Variants in LINGO2 observed in about 807,000 individuals in gnomAD.
LINGO2 encodes leucine-rich repeat and immunoglobulin-like domain-containing nogo receptor-interacting protein 2.
In LINGO2, 14 loss-of-function variants were observed where a neutral mutation model predicts 30.6. The ratio of observed to expected loss-of-function variants is 0.46; its 90% CI spans 0.30 to 0.72. LINGO2 has a LOEUF of 0.72. LINGO2 is among the 30% of genes least tolerant of loss of function. The pLI, the probability that LINGO2 is intolerant of heterozygous loss-of-function variation, is 0.07. For synonymous variants in LINGO2, 317 were observed against 288.5 expected (o/e 1.10, Z -1.00); for missense variants, 729 against 751.7 (o/e 0.97, Z 0.35).
the LINGO2 span, among the ~76,000 whole-genome samples, chr9:29,153,620 A>G: frequency 6.6e-6 from 1 of 152,220 alleles, no homozygotes; most frequent in Non-Finnish European, 1.5e-5. Context: ...TACCAAGCTC[A>G]TCTAAAAACA....
chr9:28,672,605 G>T (rs1268731841), upstream of LINGO2, among the ~76,000 whole-genome samples: 1 of 152,100 alleles, frequency 6.6e-6, no homozygotes, highest in East Asian at 1.9e-4. Flanking sequence ...TAAGTTTTAA[G>T]TTCCATATCT....
chr9:27,995,912 G>C (rs1821637655), intron 5 of LINGO2, among the ~76,000 whole-genome samples: 1 of 152,130 alleles, frequency 6.6e-6, no homozygotes, highest in Non-Finnish European at 1.5e-5. Context: ...TGGGAAAGAA[G>C]TCAACTGTAT....
At chr9:28,985,029 C>A in the LINGO2 span, among the ~76,000 whole-genome samples, 1 of 152,096 alleles carries the variant, frequency 6.6e-6, no homozygotes, top group Non-Finnish European at 1.5e-5. Flanking sequence ...CCCACTGCCT[C>A]CATCCTCCAG....
intron 1 of LINGO2, among the ~76,000 whole-genome samples, chr9:28,492,971 T>C (rs1826458774): frequency 1.3e-5 from 2 of 152,106 alleles, no homozygotes; most frequent in Non-Finnish European, 2.9e-5. Context: ...TTTATTGGTG[T>C]AGGTACAAAT....
At chr9:29,119,354 C>T in the LINGO2 span, among the ~76,000 whole-genome samples, 2 of 146,332 alleles carry the variant, frequency 1.4e-5, no homozygotes, top group African/African-American at 2.6e-5. Context: ...CATATGCATG[C>T]ACGTGTGCGC....
Position 28,055,402 on chromosome 9 carries a change from A to G in LINGO2, c.-86-42997T>C, listed in dbSNP as rs144224411. 4.9e-3 allele frequency among the ~76,000 whole-genome samples: 751 copies of G among 152,260 alleles called. 11 individuals are homozygous for G. The highest frequency in any genetic ancestry group is 0.032 in the Admixed American group (496 of 15,270). Reference sequence around the variant, plus strand: ...GCCAAGGAGTCTGAATGGCCAGGCTATTTTAGCTATTGCCACATTTCTGTT... The same window carrying G: ...GCCAAGGAGTCTGAATGGCCAGGCTGTTTTAGCTATTGCCACATTTCTGTT... On this transcript the variant is annotated intron_variant, in intron 4 of 5. Transcript: ENST00000379992.
At position 28,100,476 on chromosome 9, in the gene LINGO2, G is replaced by T. The variant is rs76716630; in HGVS notation, c.-86-88071C>A. Reference sequence around the variant, plus strand: ...TGAACAATGTTATGTGAAGTAGAGAGAAATGAACACATGCTGATGAGGAAC... The same window carrying T: ...TGAACAATGTTATGTGAAGTAGAGATAAATGAACACATGCTGATGAGGAAC... On this transcript the variant is annotated intron_variant, in intron 4 of 5. Transcript: ENST00000379992. Among the ~76,000 whole-genome samples, 16 of 152,248 alleles carry T rather than the reference G, an allele frequency of 1.1e-4. No individual in the cohort carries two copies. The East Asian group carries it at 2.9e-3, about 28-fold the overall frequency.
chr9:28,943,606 A>T, the LINGO2 span, among the ~76,000 whole-genome samples: 24,344 of 152,146 alleles, frequency 0.16, 1,982 homozygotes, highest in South Asian at 0.2. Flanking sequence ...CTCAGGGTTT[A>T]TTATTCCTAT....
the LINGO2 span, among the ~76,000 whole-genome samples, chr9:28,785,248 T>C: frequency 2.0e-5 from 3 of 152,142 alleles, 1 homozygote; most frequent in South Asian, 4.1e-4. Flanking sequence ...TGAGAAGCAA[T>C]GTAAACATTT....
intron 3 of LINGO2, among the ~76,000 whole-genome samples, chr9:28,319,866 T>C (rs1242360161): frequency 6.6e-6 from 1 of 152,138 alleles, no homozygotes; most frequent in African/African-American, 2.4e-5. Flanking sequence ...GTAAATTACA[T>C]GCAAGAAAAC....
intron 4 of LINGO2, among the ~76,000 whole-genome samples, chr9:28,172,819 A>C (rs1828641182): frequency 6.6e-6 from 1 of 152,144 alleles, no homozygotes; most frequent in African/African-American, 2.4e-5. Flanking sequence ...ATCTTCTACA[A>C]ATGAATGTTA....
intron 4 of LINGO2, among the ~76,000 whole-genome samples, chr9:28,172,819 A>G (rs1828641182): frequency 6.6e-6 from 1 of 152,144 alleles, no homozygotes; most frequent in African/African-American, 2.4e-5. Context: ...ATCTTCTACA[A>G]ATGAATGTTA....
At chr9:29,104,183 T>C in the LINGO2 span, among the ~76,000 whole-genome samples, 4 of 152,148 alleles carry the variant, frequency 2.6e-5, no homozygotes, top group East Asian at 5.8e-4. Flanking sequence ...AAAGATCTGA[T>C]ATGGTTTGGC....
chr9:28,479,220 A>G (rs2026377), intron 1 of LINGO2, among the ~76,000 whole-genome samples: 141,694 of 151,958 alleles, frequency 0.93, 66,075 homozygotes, highest in East Asian at 1. Flanking sequence ...AAGCATATAT[A>G]TTTTAAAAGT....
chr9:28,791,140 C>T, the LINGO2 span, among the ~76,000 whole-genome samples: 1 of 152,000 alleles, frequency 6.6e-6, no homozygotes, highest in African/African-American at 2.4e-5. Context: ...CCAATATAGT[C>T]ATTTTATCAG....
At chr9:28,407,007 A>G (rs1041292670) in intron 2 of LINGO2, among the ~76,000 whole-genome samples, 3 of 152,126 alleles carry the variant, frequency 2.0e-5, no homozygotes, top group African/African-American at 7.2e-5. Flanking sequence ...GAAATCTCCA[A>G]CTGCAGGGGC....
intron 4 of LINGO2, among the ~76,000 whole-genome samples, chr9:28,172,549 T>C (rs574137986): frequency 6.6e-6 from 1 of 152,346 alleles, no homozygotes; most frequent in South Asian, 2.1e-4. Context: ...TTGGATATTT[T>C]TGTGATTAAA....
At chr9:28,744,611 TGTGTGTGTG>T in the LINGO2 span, among the ~76,000 whole-genome samples, 1 of 134,008 alleles carries the variant, frequency 7.5e-6, no homozygotes, top group African/African-American at 2.9e-5. Flanking sequence ...ATTCCCCTCG[TGTGTGTGTG>T]TGTGTGTGTG....
chr9:28,970,615 G>C, the LINGO2 span, among the ~76,000 whole-genome samples: 2 of 152,206 alleles, frequency 1.3e-5, no homozygotes, highest in Middle Eastern at 3.4e-3. Context: ...ACTCTGGGCC[G>C]TGTTGTTAGA....
Sources: gnomAD v4.1 joint callset for allele counts (sites outside exome capture counted in the v4.1 genomes callset) on GRCh38, gnomAD v4.1.1 for gene constraint, MANE v1.5 for transcripts, NCBI Gene and HGNC (gene_info 2026-07-23, HGNC 2026-07-21) for gene names.